TRRAP: variants seen among roughly 807,000 people sequenced by gnomAD.
TRRAP encodes the protein transformation/transcription domain associated protein, also known as transformation/transcription domain-associated protein.
In TRRAP, 41 loss-of-function variants were observed where a neutral mutation model predicts 438.8. That is an observed-to-expected ratio of 0.09 (90% CI 0.07 to 0.12). TRRAP has a LOEUF of 0.12. TRRAP is among the 10% of genes least tolerant of loss of function. TRRAP has a pLI of 1.00. For synonymous variants in TRRAP, 1,994 were observed against 1,962.9 expected, an observed-to-expected ratio of 1.02 and a Z score of -0.42; for missense variants, 3,122 against 5,055.1, an observed-to-expected ratio of 0.62 and a Z score of 11.60.
At position 98,961,314 on chromosome 7, in the gene TRRAP, G is replaced by C; in HGVS notation, c.6543G>C (p.Leu2181=). 3 of 1,614,216 alleles carry C rather than the reference G, an allele frequency of 1.9e-6. No homozygotes were observed. Among genetic ancestry groups the C allele is most frequent in the Non-Finnish European group, 2.5e-6 (3 of 1,180,042 alleles). The change falls in exon 46 of 73, where the codon CTG becomes CTC. Residue 2181 remains leucine, a synonymous_variant. Transcript: ENST00000456197. The part of the protein sequence containing the change: ...YGNICTGLEV[L]SFLLTVLQSP... Reference sequence around the variant, plus strand: ...ATATCTGCACGGGCCTAGAAGTGCTGAGCTTCCTGCTAACTGTCCTCCAGT... The same window carrying C: ...ATATCTGCACGGGCCTAGAAGTGCTCAGCTTCCTGCTAACTGTCCTCCAGT...
chr7:98,937,370 T>C, intron 29 of TRRAP, 93 bp downstream of exon 29: 1 of 1,506,652 alleles, frequency 6.6e-7, no homozygotes, highest in Non-Finnish European at 8.8e-7. Context: ...TATTGCTATA[T>C]AAACAGTGTA....
chr7:98,972,775 T>G (rs1017734042), intron 53 of TRRAP, among the ~76,000 whole-genome samples: 5 of 152,226 alleles, frequency 3.3e-5, no homozygotes, highest in Non-Finnish European at 5.9e-5. Flanking sequence ...ACAAACTACT[T>G]TTCGCAAGTG....
At chr7:98,884,526 T>C (rs562399788) in intron 3 of TRRAP, among the ~76,000 whole-genome samples, 1 of 152,304 alleles carries the variant, frequency 6.6e-6, no homozygotes, top group Admixed American at 6.5e-5. Context: ...TGAGCCACCA[T>C]GCCCAGCCGC....
At chr7:98,886,226 G>A (rs868923762) in intron 3 of TRRAP, among the ~76,000 whole-genome samples, 1 of 152,164 alleles carries the variant, frequency 6.6e-6, no homozygotes. Flanking sequence ...GGAGATAGAG[G>A]TTGCAGTGAG....
intron 7 of TRRAP, among the ~76,000 whole-genome samples, chr7:98,897,431 T>G (rs1029360693): frequency 6.6e-6 from 1 of 152,052 alleles, no homozygotes; most frequent in Non-Finnish European, 1.5e-5. Context: ...GCAAAAAGAG[T>G]AGAAAATACT....
chr7:98,917,157 T>C (rs1789553452), intron 19 of TRRAP, among the ~76,000 whole-genome samples: 1 of 152,122 alleles, frequency 6.6e-6, no homozygotes, highest in African/African-American at 2.4e-5. Flanking sequence ...AAAAAATAAT[T>C]TATGATATTA....
chr7:98,900,192 C>G (rs1554406414), intron 10 of TRRAP, among the ~76,000 whole-genome samples: 2 of 151,114 alleles, frequency 1.3e-5, no homozygotes, highest in African/African-American at 4.9e-5. Flanking sequence ...TTTCTCAAAC[C>G]TAAGGACGTT....
chr7:98,982,085 C>T, intron 59 of TRRAP, 125 bp downstream of exon 59: 1 of 978,588 alleles, frequency 1.0e-6, no homozygotes, highest in Non-Finnish European at 1.4e-6. Context: ...TTGTCTTGTC[C>T]TCTCCCACTT....
chr7:98,912,802 C>G (rs1286475112), intron 18 of TRRAP, among the ~76,000 whole-genome samples: 1 of 152,022 alleles, frequency 6.6e-6, no homozygotes, highest in Non-Finnish European at 1.5e-5. Flanking sequence ...TGGATGCACA[C>G]TGAAGCCAAT....
chr7:98,963,108 T>TA (rs1791991134), intron 47 of TRRAP, among the ~76,000 whole-genome samples: 1 of 152,246 alleles, frequency 6.6e-6, no homozygotes, highest in Admixed American at 6.5e-5. Context: ...CCCAGTATTT[T>TA]AGAGTGATTA....
chr7:98,975,885 C>T (rs571763502), intron 53 of TRRAP: 2 of 409,344 alleles, frequency 4.9e-6, no homozygotes, highest in South Asian at 4.5e-5. Context: ...GTTAAGAAAC[C>T]CCCTTAAAAA....
chr7:98,903,142 C>G (rs1404915556), intron 11 of TRRAP, among the ~76,000 whole-genome samples: 1 of 152,130 alleles, frequency 6.6e-6, no homozygotes, highest in African/African-American at 2.4e-5. Context: ...CTGCCTCAGC[C>G]TCCCAAGTAG....
intron 45 of TRRAP, among the ~76,000 whole-genome samples, chr7:98,961,030 C>A (rs898735306): frequency 6.6e-6 from 1 of 151,898 alleles, no homozygotes; most frequent in African/African-American, 2.4e-5. Flanking sequence ...TGTTTATTAT[C>A]GAATATTAAT....
Position 98,984,177 on chromosome 7 carries a change from C to T in TRRAP, c.9107C>T (p.Ala3036Val). 1 of 1,614,050 alleles carries T rather than the reference C, an allele frequency of 6.2e-7. No individual in the cohort carries two copies. Among genetic ancestry groups the T allele is most frequent in the Non-Finnish European group, 8.5e-7 (1 of 1,179,990 alleles). ...AMLGVHASAS[A>V]IIQYGKIARK... is the part of the protein sequence containing the mutation. ...CTTGGGGTTCATGCATCAGCTTCAG[C>T]GATCATCCAGTATGGAAAAATCGCC... Residue 3036 changes from alanine (A) to valine (V), a missense_variant, in exon 61 of 73, where the codon GCG (alanine) becomes GTG (valine). Around this residue, in one of 24 missense-constraint regions of TRRAP, gnomAD observed 129 missense variants for 279.2 expected, o/e 0.46. Transcript: ENST00000456197.
At chr7:98,938,578 T>C (rs535667142) in intron 30 of TRRAP, among the ~76,000 whole-genome samples, 1 of 152,284 alleles carries the variant, frequency 6.6e-6, no homozygotes, top group Admixed American at 6.5e-5. Flanking sequence ...TACACAGTCC[T>C]TGCTTTTCCC....
intron 3 of TRRAP, among the ~76,000 whole-genome samples, chr7:98,882,447 C>T (rs1554403281): frequency 6.6e-6 from 1 of 150,930 alleles, no homozygotes; most frequent in African/African-American, 2.4e-5. Context: ...ACTGTAACCT[C>T]TGCCTTCCGG....
chr7:98,913,572 G>A (rs1410613753), intron 18 of TRRAP, among the ~76,000 whole-genome samples: 1 of 152,090 alleles, frequency 6.6e-6, no homozygotes, highest in Non-Finnish European at 1.5e-5. Context: ...ACAGGTGTGA[G>A]CCACTGCACC....
In TRRAP at chr7:98,980,173, A is replaced by G. The variant is rs937620058; in HGVS notation, c.8634+1269A>G. On this transcript the variant is annotated intron_variant, in intron 58 of 72. Coordinates refer to ENST00000456197, the MANE Select transcript of TRRAP (RefSeq NM_001375524.1). The stretch of plus-strand genomic sequence containing the variant: ...ACCATGAATGTGCTTTGGAAGAGTA[A>G]GATGTCAAAAACAAGCCACAGTGTC... Among the ~76,000 whole-genome samples, 13 of 152,314 alleles carry G rather than the reference A, an allele frequency of 8.5e-5. No individual in the cohort carries two copies. The Middle Eastern group carries it at 0.017, about 199-fold the overall frequency.
intron 70 of TRRAP, among the ~76,000 whole-genome samples, chr7:99,010,730 A>G (rs181601878): frequency 6.6e-6 from 1 of 152,150 alleles, no homozygotes; most frequent in Admixed American, 6.5e-5. Flanking sequence ...TTGGCCTGAT[A>G]TATTCCATAG....
Sources: gnomAD v4.1 joint callset for allele counts (sites outside exome capture counted in the v4.1 genomes callset) on GRCh38, gnomAD v4.1.1 for gene constraint, gnomAD v4.1.1 regional missense constraint, MANE v1.5 for transcripts, NCBI Gene and HGNC (gene_info 2026-07-23, HGNC 2026-07-21) for gene names.